EBF2: variants seen among roughly 807,000 people sequenced by gnomAD.
EBF2 encodes EBF transcription factor 2.
Under a neutral mutation model 72.8 loss-of-function variants are expected in EBF2, and 21 were observed. The observed-to-expected ratio is 0.29, with a 90% CI of 0.20 to 0.42. The LOEUF (loss-of-function observed/expected upper bound fraction) is 0.42. Among genes scored for constraint, EBF2 ranks in the 10% least tolerant of loss-of-function variants. The pLI is 1.00. For synonymous variants in EBF2, 299 were observed against 274.2 expected (o/e 1.09, Z -0.89); for missense variants, 637 against 731.2 (o/e 0.87, Z 1.49).
chr8:25,985,100 C>A (rs895673554), intron 6 of EBF2, among the ~76,000 whole-genome samples: 15 of 152,148 alleles, frequency 9.9e-5, no homozygotes, highest in African/African-American at 3.4e-4. Context: ...GCATGGGCTG[C>A]AACCAGGAAG....
intron 6 of EBF2, among the ~76,000 whole-genome samples, chr8:25,925,365 G>A (rs1056377049): frequency 1.3e-5 from 2 of 151,882 alleles, no homozygotes; most frequent in African/African-American, 2.4e-5. Context: ...CAGGGCAATG[G>A]GTCAAGAGTC....
At chr8:25,855,249 C>G (rs7833436) in intron 14 of EBF2, among the ~76,000 whole-genome samples, 44,863 of 151,958 alleles carry the variant, frequency 0.3, 6,796 homozygotes, top group South Asian at 0.41. Context: ...TTGCATCAAG[C>G]CAGTGCATTT....
chr8:25,878,546 C>T (rs941323949), intron 10 of EBF2, among the ~76,000 whole-genome samples: 1 of 152,150 alleles, frequency 6.6e-6, no homozygotes, highest in Non-Finnish European at 1.5e-5. Flanking sequence ...AGACAGGAGG[C>T]CACCAACCTA....
At chr8:25,952,734 C>T (rs1452797660) in intron 6 of EBF2, among the ~76,000 whole-genome samples, 1 of 152,218 alleles carries the variant, frequency 6.6e-6, no homozygotes, top group East Asian at 1.9e-4. Context: ...TGCATCTCTC[C>T]CACAGGGCTC....
At chr8:25,862,565 A>C in intron 11 of EBF2, 144 bp downstream of exon 11, 1 of 456,146 alleles carries the variant, frequency 2.2e-6, no homozygotes, top group Non-Finnish European at 3.9e-6. Context: ...TTCATAGCAG[A>C]TATTTTATGT....
chr8:26,015,782 TGACATGTG>T (rs1251885337), intron 6 of EBF2, among the ~76,000 whole-genome samples: 1 of 152,190 alleles, frequency 6.6e-6, no homozygotes. Context: ...CTGCATTTCC[TGACATGTG>T]GCAAAGCCTA....
intron 6 of EBF2, among the ~76,000 whole-genome samples, chr8:26,006,612 A>T (rs1007359962): frequency 2.6e-5 from 4 of 152,312 alleles, no homozygotes; most frequent in African/African-American, 9.6e-5. Flanking sequence ...TCGTCCAATT[A>T]ATTACATTTC....
At chr8:26,011,941 C>A (rs1289559380) in intron 6 of EBF2, among the ~76,000 whole-genome samples, 1 of 152,054 alleles carries the variant, frequency 6.6e-6, no homozygotes, top group Non-Finnish European at 1.5e-5. Context: ...GTGGGTTAAC[C>A]TTTTCCCACC....
At chr8:25,991,857 G>A (rs2874609) in intron 6 of EBF2, among the ~76,000 whole-genome samples, 82,700 of 151,388 alleles carry the variant, frequency 0.55, 23,962 homozygotes, top group Admixed American at 0.64. Flanking sequence ...AAAAAAATAA[G>A]TAAGGGACAG....
chr8:26,030,429 G>C (rs947443523), intron 6 of EBF2, among the ~76,000 whole-genome samples: 6 of 151,852 alleles, frequency 4.0e-5, no homozygotes, highest in Non-Finnish European at 8.8e-5. Flanking sequence ...CTGTTGTGGG[G>C]TGGGGGAAGG....
chr8:25,878,107 C>A (rs541244538), intron 10 of EBF2, among the ~76,000 whole-genome samples: 1 of 152,188 alleles, frequency 6.6e-6, no homozygotes, highest in Non-Finnish European at 1.5e-5. Flanking sequence ...ACACGGCCAG[C>A]CCCCAAAGGC....
At chr8:26,000,393 C>G (rs1804704658) in intron 6 of EBF2, among the ~76,000 whole-genome samples, 1 of 152,140 alleles carries the variant, frequency 6.6e-6, no homozygotes, top group Admixed American at 6.5e-5. Flanking sequence ...AAGACATGGT[C>G]CCTGTTGTCT....
chr8:25,979,432 G>A (rs1256070655), intron 6 of EBF2, among the ~76,000 whole-genome samples: 4 of 152,174 alleles, frequency 2.6e-5, no homozygotes, highest in African/African-American at 2.4e-5. Flanking sequence ...GGCGTGCTGC[G>A]TAATATTTTT....
At chr8:25,873,136 T>C (rs1563384089) in intron 10 of EBF2, among the ~76,000 whole-genome samples, 2 of 152,312 alleles carry the variant, frequency 1.3e-5, no homozygotes, top group Non-Finnish European at 2.9e-5. Context: ...CACACTTAAA[T>C]GCTAAGTTTT....
chr8:26,041,768 C>T (rs1306010327), intron 2 of EBF2, among the ~76,000 whole-genome samples: 1 of 152,154 alleles, frequency 6.6e-6, no homozygotes, highest in Non-Finnish European at 1.5e-5. Flanking sequence ...TAAAATTAAC[C>T]CAGAGAAGGG....
chr8:25,852,635 G>C (rs1802005435), intron 14 of EBF2, among the ~76,000 whole-genome samples: 1 of 152,174 alleles, frequency 6.6e-6, no homozygotes, highest in Non-Finnish European at 1.5e-5. Context: ...CAGTGGGAGA[G>C]GAAACACCTC....
intron 6 of EBF2, among the ~76,000 whole-genome samples, chr8:25,990,748 C>T (rs1013570428): frequency 1.3e-5 from 2 of 152,174 alleles, no homozygotes; most frequent in Non-Finnish European, 1.5e-5. Context: ...CACATAGTTC[C>T]CATATGCTAC....
chr8:25,907,335 C>A (rs1385823975), intron 7 of EBF2, among the ~76,000 whole-genome samples: 1 of 138,496 alleles, frequency 7.2e-6, no homozygotes, highest in East Asian at 2.2e-4. Context: ...CATGAGAATC[C>A]CTTGAGCCCA....
intron 15 of EBF2, among the ~76,000 whole-genome samples, chr8:25,847,169 C>A (rs1801857434): frequency 1.3e-5 from 2 of 152,142 alleles, no homozygotes; most frequent in Non-Finnish European, 1.5e-5. Context: ...CGGCACCTTG[C>A]CTATAGTGCT....
Sources: allele counts gnomAD v4.1 joint callset (sites outside exome capture counted in the v4.1 genomes callset), GRCh38; gene constraint gnomAD v4.1.1; transcripts MANE v1.5; gene names NCBI Gene and HGNC (gene_info 2026-07-23, HGNC 2026-07-21).